The following CTNNA2 variants were observed in gnomAD, a reference collection of about 807,000 sequenced individuals.
CTNNA2 encodes the protein catenin alpha-2.
In CTNNA2, 42 loss-of-function variants were observed where a neutral mutation model predicts 101.0. The observed-to-expected ratio is 0.42, with a 90% CI of 0.32 to 0.54. The LOEUF (loss-of-function observed/expected upper bound fraction) is 0.54. Ranked by LOEUF, CTNNA2 falls within the 20% of genes least tolerant of loss-of-function variation. The pLI is 0.14. For synonymous variants in CTNNA2, 450 were observed against 456.4 expected (o/e 0.99, Z 0.18); for missense variants, 871 against 1,223.1 (o/e 0.71, Z 4.29).
chr2:79,438,030 TA>T (rs1312832149), intron 4 of CTNNA2, among the ~76,000 whole-genome samples: 1 of 146,964 alleles, frequency 6.8e-6, no homozygotes, highest in Non-Finnish European at 1.5e-5. Context: ...GCCCGTTTTT[TA>T]AAAAAGAGGA....
chr2:79,782,835 A>C lies in CTNNA2; in HGVS notation c.298+38253A>C, dbSNP rs375180906. Among the ~76,000 whole-genome samples, 92 of 152,272 alleles carry C rather than the reference A, an allele frequency of 6.0e-4. 4 individuals carry two copies. The South Asian group carries it at 0.019, about 31-fold the overall frequency. On this transcript the variant is annotated intron_variant, in intron 3 of 18. Coordinates refer to ENST00000402739, the MANE Select transcript of CTNNA2 (RefSeq NM_001282597.3). The stretch of plus-strand genomic sequence containing the variant: ...AAGAGTGCAAATCCATTTCCAAAAA[A>C]AAGGGAAGAAATTGACAGCCAATGG...
rs552430425 is a variant in CTNNA2, at chr2:79,588,840, C to T, written c.-5-62712C>T. The stretch of plus-strand genomic sequence containing the variant: ...GAAACAAGTAATCTAGGATAAGCAC[C>T]GTATAGAAAGTTCACAGAATAACAG... On this transcript the variant is annotated intron_variant, in intron 1 of 18. Coordinates refer to ENST00000402739, the MANE Select transcript of CTNNA2 (RefSeq NM_001282597.3). Among the ~76,000 whole-genome samples, 6 of 152,044 alleles carry T rather than the reference C, an allele frequency of 3.9e-5. No individual in the cohort carries two copies. In the South Asian group the frequency reaches 8.3e-4, roughly 21 times the overall value.
At chr2:80,057,175 GT>G (rs1233768586) in intron 7 of CTNNA2, among the ~76,000 whole-genome samples, 224 of 142,180 alleles carry the variant, frequency 1.6e-3, no homozygotes, top group Middle Eastern at 0.011. Context: ...TATATAAGTT[GT>G]TTTTTTTTTT....
chr2:79,604,776 A>T (rs1275391183), intron 1 of CTNNA2, among the ~76,000 whole-genome samples: 2 of 152,048 alleles, frequency 1.3e-5, no homozygotes, highest in African/African-American at 4.8e-5. Flanking sequence ...ATAGGATGAG[A>T]CTCTTACCTT....
chr2:80,217,384 C>T (rs1383934391), intron 7 of CTNNA2, among the ~76,000 whole-genome samples: 1 of 152,090 alleles, frequency 6.6e-6, no homozygotes, highest in African/African-American at 2.4e-5. Context: ...GCCAGCTCTG[C>T]TACTCAGCAG....
At chr2:79,586,496 T>C (rs7598670) in intron 1 of CTNNA2, among the ~76,000 whole-genome samples, 110,180 of 150,700 alleles carry the variant, frequency 0.73, 40,616 homozygotes, top group Non-Finnish European at 0.78. Context: ...CTTCTTCTTT[T>C]AGGTGTTTAG....
At chr2:80,570,059 T>C (rs1269800156) in intron 12 of CTNNA2, among the ~76,000 whole-genome samples, 2 of 151,898 alleles carry the variant, frequency 1.3e-5, no homozygotes, top group East Asian at 1.9e-4. Flanking sequence ...CATCACTCTT[T>C]CTGTTTTGAG....
intron 6 of CTNNA2, among the ~76,000 whole-genome samples, chr2:79,907,405 C>T (rs1368891705): frequency 6.6e-6 from 1 of 151,474 alleles, no homozygotes; most frequent in South Asian, 2.1e-4. Flanking sequence ...CAGTAGAAAG[C>T]GAGAGAGAGT....
At chr2:79,852,164 T>C (rs1680767617) in intron 3 of CTNNA2, among the ~76,000 whole-genome samples, 1 of 152,240 alleles carries the variant, frequency 6.6e-6, no homozygotes, top group Non-Finnish European at 1.5e-5. Flanking sequence ...AAAGATGATA[T>C]GCAGTTGTAG....
At chr2:79,390,035 G>A (rs1480927873) in intron 4 of CTNNA2, among the ~76,000 whole-genome samples, 1 of 152,074 alleles carries the variant, frequency 6.6e-6, no homozygotes, top group Non-Finnish European at 1.5e-5. Flanking sequence ...CTCAACTCTT[G>A]GAAGTGCACC....
Position 80,619,159 on chromosome 2 carries a change from A to G in CTNNA2, c.2505A>G (p.Gln835=). 6.4e-7 allele frequency: 1 copy of G among 1,574,762 alleles called. No individual in the cohort carries two copies. Among genetic ancestry groups the G allele is most frequent in the Non-Finnish European group, 8.6e-7 (1 of 1,159,470 alleles). ...TCATAGATGGGGGCAGGGCTAGTCA[A>G]CTTTCTACCCACCTCCCAACCTGTG... ...CDVIDGGRAS[Q]LSTHLPTCAE... is the part of the protein sequence containing the mutation. Residue 835 remains glutamine (Q), a synonymous_variant, in exon 18 of 19, where the codon CAA becomes CAG. Transcript: ENST00000402739.
rs1553412443 is a variant in CTNNA2 at position 80,623,048 on chromosome 2, T to TATA, written c.2574+3821_2574+3822insTAA. 5.6e-4 allele frequency among the ~76,000 whole-genome samples: 68 copies of TATA among 121,600 alleles called. 1 individual carries two copies. The highest frequency in any genetic ancestry group is 1.7e-4 in the Admixed American group (2 of 11,470). 79.8% of individuals were successfully genotyped at this position (121,600 alleles called of 152,430 possible). A position where few individuals can be genotyped will look rare whatever the true frequency, so the allele number is the denominator to read the frequency against. ...AAGCAAGACTACTAGCGCTAGTTTCTAAAAAAAAAAAAAAAAAAAGTTCAA... is the reference window on the plus strand; with the variant it reads ...AAGCAAGACTACTAGCGCTAGTTTCTATAAAAAAAAAAAAAAAAAAAAGTTCAA... On this transcript the variant is annotated intron_variant, in intron 18 of 18. Transcript: ENST00000402739.
intron 7 of CTNNA2, among the ~76,000 whole-genome samples, chr2:80,209,531 C>G (rs1707755671): frequency 6.6e-6 from 1 of 152,044 alleles, no homozygotes; most frequent in Admixed American, 6.6e-5. Flanking sequence ...GAAATCCTCT[C>G]CATAACCGAT....
chr2:79,957,347 CTT>C (rs1316616539), intron 7 of CTNNA2, among the ~76,000 whole-genome samples: 3 of 152,182 alleles, frequency 2.0e-5, no homozygotes, highest in Non-Finnish European at 4.4e-5. Context: ...TTCCATGTCT[CTT>C]TGCTTACCAG....
chr2:80,595,276 T>G (rs774180305), intron 15 of CTNNA2, among the ~76,000 whole-genome samples: 3 of 142,108 alleles, frequency 2.1e-5, no homozygotes, highest in Non-Finnish European at 4.5e-5. Context: ...TTCTTCATTT[T>G]CTTTTAGGAT....
At chr2:80,603,888 G>A in intron 15 of CTNNA2, 186 bp from the exon 16 acceptor site, 1 of 532,192 alleles carries the variant, frequency 1.9e-6, no homozygotes, top group East Asian at 3.0e-5. Context: ...AAAAATATGG[G>A]AAAATATTTC....
At chr2:79,572,815 T>C (rs1675543200) in intron 1 of CTNNA2, among the ~76,000 whole-genome samples, 1 of 152,174 alleles carries the variant, frequency 6.6e-6, no homozygotes, top group South Asian at 2.1e-4. Flanking sequence ...TAAAAGTCTG[T>C]GATGATCAGA....
At chr2:79,545,772 G>T (rs998791467) in intron 1 of CTNNA2, among the ~76,000 whole-genome samples, 16 of 152,108 alleles carry the variant, frequency 1.1e-4, no homozygotes, top group Non-Finnish European at 7.4e-5. Flanking sequence ...TGAAGTAAAA[G>T]CTTACTTTTT....
chr2:80,485,833 C>T (rs1686531101), intron 9 of CTNNA2, among the ~76,000 whole-genome samples: 1 of 152,190 alleles, frequency 6.6e-6, no homozygotes, highest in Non-Finnish European at 1.5e-5. Context: ...TACATTCAAT[C>T]ACTCTCTATT....
Sources: gnomAD v4.1 joint callset for allele counts (sites outside exome capture counted in the v4.1 genomes callset) on GRCh38, gnomAD v4.1.1 for gene constraint, MANE v1.5 for transcripts, NCBI Gene and HGNC (gene_info 2026-07-23, HGNC 2026-07-21) for gene names.